The following ADGRL3 variants were observed in gnomAD, a reference collection of about 807,000 sequenced individuals.
The protein encoded by ADGRL3 is adhesion G protein-coupled receptor L3.
ADGRL3 carries 62 observed loss-of-function variants against 153.5 expected under a neutral mutation model. That is an observed-to-expected ratio of 0.40 (90% CI 0.33 to 0.50). The LOEUF (loss-of-function observed/expected upper bound fraction) is 0.50. ADGRL3 is among the 20% of genes least tolerant of loss of function. ADGRL3 has a pLI of 0.47. For synonymous variants in ADGRL3, 710 were observed against 672.5 expected, an observed-to-expected ratio of 1.06 and a Z score of -0.86; for missense variants, 1,641 against 1,859.4, an observed-to-expected ratio of 0.88 and a Z score of 2.16.
chr4:61,488,517 A>G (rs2098222238), intron 2 of ADGRL3, among the ~76,000 whole-genome samples: 1 of 151,980 alleles, frequency 6.6e-6, no homozygotes, highest in South Asian at 2.1e-4. Flanking sequence ...GGAAGAAATG[A>G]GGGAAGAATG....
chr4:61,486,503 A>G (rs913066737), intron 2 of ADGRL3, among the ~76,000 whole-genome samples: 1 of 152,154 alleles, frequency 6.6e-6, no homozygotes, highest in African/African-American at 2.4e-5. Context: ...GATAGTAAAA[A>G]TCCAGCAAAT....
intron 9 of ADGRL3, among the ~76,000 whole-genome samples, chr4:61,830,761 C>T (rs539687897): frequency 1.3e-5 from 2 of 152,234 alleles, no homozygotes; most frequent in African/African-American, 4.8e-5. Context: ...AATTAATCTA[C>T]AATAGACATA....
intron 8 of ADGRL3, among the ~76,000 whole-genome samples, chr4:61,774,429 AT>A (rs1284999060): frequency 2.6e-5 from 4 of 151,880 alleles, no homozygotes; most frequent in Non-Finnish European, 4.4e-5. Flanking sequence ...AAAATAAAAA[AT>A]AATACGATTT....
At chr4:62,065,200 T>C (rs1416792747) in intron 25 of ADGRL3, among the ~76,000 whole-genome samples, 1 of 152,102 alleles carries the variant, frequency 6.6e-6, no homozygotes, top group Non-Finnish European at 1.5e-5. Context: ...CTGTTGTCTG[T>C]GGCAATCCTT....
chr4:61,470,153 CATAA>C (rs1342841426), intron 2 of ADGRL3, among the ~76,000 whole-genome samples: 1 of 152,010 alleles, frequency 6.6e-6, no homozygotes, highest in Admixed American at 6.6e-5. Context: ...TGCATTACTA[CATAA>C]ATAATTTTTT....
At chr4:61,779,582 G>A (rs1053202422) in intron 8 of ADGRL3, among the ~76,000 whole-genome samples, 10 of 130,998 alleles carry the variant, frequency 7.6e-5, no homozygotes, top group Non-Finnish European at 1.4e-4. Context: ...ACAGTGAGCC[G>A]AGATCCAGCA....
At chr4:61,892,287 GT>G (rs2098594448) in intron 9 of ADGRL3, among the ~76,000 whole-genome samples, 1 of 151,028 alleles carries the variant, frequency 6.6e-6, no homozygotes, top group African/African-American at 2.4e-5. Context: ...TCTATACAAA[GT>G]TTGATAATTC....
At chr4:61,652,375 A>G (rs1561004577) in intron 5 of ADGRL3, among the ~76,000 whole-genome samples, 1 of 152,194 alleles carries the variant, frequency 6.6e-6, no homozygotes, top group Admixed American at 6.5e-5. Context: ...AACCATCATG[A>G]AAGTTTCTTT....
chr4:61,690,239 G>A (rs2095515656), intron 6 of ADGRL3, among the ~76,000 whole-genome samples: 1 of 152,076 alleles, frequency 6.6e-6, no homozygotes, highest in South Asian at 2.1e-4. Flanking sequence ...GAGCTCAGGA[G>A]TTCAAGACCA....
At chr4:61,404,409 A>G (rs989024296) in intron 2 of ADGRL3, among the ~76,000 whole-genome samples, 1 of 152,092 alleles carries the variant, frequency 6.6e-6, no homozygotes, top group African/African-American at 2.4e-5. Context: ...GAAGACTAGT[A>G]CCTTGCTGCT....
chr4:61,982,777 C>T (rs2099072880), intron 18 of ADGRL3, among the ~76,000 whole-genome samples: 1 of 152,080 alleles, frequency 6.6e-6, no homozygotes, highest in South Asian at 2.1e-4. Flanking sequence ...TAAGCAGATC[C>T]ATTTTTATTC....
chr4:62,070,522 C>T lies in ADGRL3; in HGVS notation c.4246C>T (p.Pro1416Ser), dbSNP rs1237496689. 1.3e-6 allele frequency: 2 copies of T among 1,551,416 alleles called. No individual in the cohort carries two copies. The highest frequency in any genetic ancestry group is 1.2e-5 in the South Asian group (1 of 84,012). The change falls in exon 27 of 27, where the codon CCA (proline) becomes TCA (serine). Residue 1416 changes from proline to serine, a missense_variant. Coordinates refer to ENST00000683033, the MANE Select transcript of ADGRL3 (RefSeq NM_001387552.1). ...AGTATACTCCACCGAGAACCACCAG[C>T]CACACCATTATACCAGAAGGCGGAT... ...PRVYSTENHQ[P>S]HHYTRRRIPQ... is the part of the protein sequence containing the mutation.
intron 2 of ADGRL3, among the ~76,000 whole-genome samples, chr4:61,404,024 T>C (rs186359787): frequency 5.9e-5 from 9 of 152,190 alleles, no homozygotes; most frequent in African/African-American, 1.9e-4. Flanking sequence ...GTTTAGGGCT[T>C]CAATATAAGA....
intron 6 of ADGRL3, among the ~76,000 whole-genome samples, chr4:61,681,479 C>T (rs1244039721): frequency 6.6e-6 from 1 of 151,898 alleles, no homozygotes; most frequent in Non-Finnish European, 1.5e-5. Flanking sequence ...GGGGGAAGTA[C>T]ACAATTTGGA....
chr4:61,578,153 A>G (rs78804487), intron 4 of ADGRL3, among the ~76,000 whole-genome samples: 1,665 of 152,182 alleles, frequency 0.011, 19 homozygotes, highest in Non-Finnish European at 0.015. Context: ...CATATTTCCT[A>G]AAAGAAGTTC....
At position 62,046,072 on chromosome 4, in the gene ADGRL3, A is replaced by G. The variant is rs1211243714; in HGVS notation, c.3814+1523A>G. Among the ~76,000 whole-genome samples the G allele has an allele frequency of 2.0e-5, 3 of 151,828 alleles. No individual in the cohort carries two copies. The East Asian group carries it at 5.8e-4, about 29-fold the overall frequency. On this transcript the variant is annotated intron_variant, in intron 25 of 26. Transcript: ENST00000683033. ...GGATTAATTTGCTTACATATGACTG[A>G]TTTTCTGTATTCTTTAAACAATTCC... is the stretch of plus-strand genomic sequence containing the variant.
At chr4:61,645,147 C>T (rs1429273482) in intron 5 of ADGRL3, among the ~76,000 whole-genome samples, 2 of 152,028 alleles carry the variant, frequency 1.3e-5, no homozygotes, top group African/African-American at 4.8e-5. Context: ...GGTAGATCTT[C>T]CTCCATGTTT....
chr4:61,987,547 G>T, intron 19 of ADGRL3, among the ~76,000 whole-genome samples: 1 of 151,862 alleles, frequency 6.6e-6, no homozygotes, highest in Admixed American at 6.6e-5. Flanking sequence ...ACACATCTCT[G>T]CTGTCTCAAG....
chr4:61,688,424 T>C (rs761102057), intron 6 of ADGRL3, among the ~76,000 whole-genome samples: 17 of 152,132 alleles, frequency 1.1e-4, no homozygotes, highest in Non-Finnish European at 1.8e-4. Flanking sequence ...TGTGTTCTAA[T>C]CAAGTTACTT....
Sources: gnomAD v4.1 joint callset for allele counts (sites outside exome capture counted in the v4.1 genomes callset) on GRCh38, gnomAD v4.1.1 for gene constraint, MANE v1.5 for transcripts, NCBI Gene and HGNC (gene_info 2026-07-23, HGNC 2026-07-21) for gene names.